SOX6: variants seen among roughly 807,000 people sequenced by gnomAD.
The protein encoded by SOX6 is transcription factor SOX-6.
SOX6 carries 11 observed loss-of-function variants against 97.8 expected under a neutral mutation model. The observed-to-expected ratio is 0.11, with a 90% CI of 0.07 to 0.19. The LOEUF is 0.19. Among genes scored for constraint, SOX6 ranks in the 10% least tolerant of loss-of-function variants. The probability of loss-of-function intolerance (pLI) is 1.00; values close to 1 mark genes in which losing one functional copy is unlikely to be tolerated. For missense variants in SOX6, 810 were observed against 1,039.5 expected, an observed-to-expected ratio of 0.78 and a Z score of 3.04; for synonymous variants, 360 against 371.4, an observed-to-expected ratio of 0.97 and a Z score of 0.35.
rs562697688 is a variant in SOX6 at position 16,500,021 on chromosome 11, A to C, written n.610-23633T>G. On this transcript the variant is annotated intron_variant and non_coding_transcript_variant, in intron 4 of 5. Coordinates refer to the SOX6 transcript ENST00000524520. ...AGACACAACAAAAAAAGAGAATTTT[A>C]GACCAATATCCCTGATGAACATCAA... 7.2e-5 allele frequency among the ~76,000 whole-genome samples: 11 copies of C among 152,376 alleles called. No individual in the cohort carries two copies. The South Asian group carries it at 1.9e-3, about 26-fold the overall frequency.
intron 1 of SOX6, among the ~76,000 whole-genome samples, chr11:16,387,330 A>G (rs1016856580): frequency 2.6e-5 from 4 of 152,270 alleles, no homozygotes; most frequent in African/African-American, 7.2e-5. Flanking sequence ...TGAAACCACT[A>G]TTCAAAATAA....
intron 4 of SOX6, among the ~76,000 whole-genome samples, chr11:16,587,127 T>A (rs144752581): frequency 6.6e-6 from 1 of 152,332 alleles, no homozygotes; most frequent in Non-Finnish European, 1.5e-5. Context: ...AAGCTCCTTA[T>A]TATCTGGTCT....
At chr11:16,456,011 T>C (rs1859804580) in intron 1 of SOX6, among the ~76,000 whole-genome samples, 1 of 152,090 alleles carries the variant, frequency 6.6e-6, no homozygotes, top group African/African-American at 2.4e-5. Flanking sequence ...AAATCAGCCA[T>C]AATGTGATAT....
intron 3 of SOX6, among the ~76,000 whole-genome samples, chr11:16,628,821 T>C (rs2133994175): frequency 1.3e-5 from 2 of 152,272 alleles, no homozygotes; most frequent in Non-Finnish European, 2.9e-5. Context: ...TTTCTCCTTG[T>C]AGAGCTCCTT....
intron 3 of SOX6, among the ~76,000 whole-genome samples, chr11:16,675,252 T>C (rs994914907): frequency 6.6e-6 from 1 of 152,226 alleles, no homozygotes; most frequent in Non-Finnish European, 1.5e-5. Context: ...TTGGTTCAAA[T>C]GATCCTCCTG....
chr11:16,554,055 A>G (rs1162305493), intron 4 of SOX6, among the ~76,000 whole-genome samples: 1 of 152,092 alleles, frequency 6.6e-6, no homozygotes, highest in East Asian at 1.9e-4. Flanking sequence ...GGTCATAGGG[A>G]CCTATAGTTT....
chr11:16,144,770 G>A (rs1473996847), intron 6 of SOX6, among the ~76,000 whole-genome samples: 3 of 152,068 alleles, frequency 2.0e-5, no homozygotes, highest in South Asian at 2.1e-4. Flanking sequence ...TAAATTCCTC[G>A]ACACATACAC....
At chr11:16,310,733 A>G (rs1318895614) in intron 3 of SOX6, among the ~76,000 whole-genome samples, 1 of 152,110 alleles carries the variant, frequency 6.6e-6, no homozygotes, top group Non-Finnish European at 1.5e-5. Flanking sequence ...AGTGTTTCTT[A>G]TGCAAAAACC....
intron 3 of SOX6, chr11:16,283,969 C>A (rs1854657294): frequency 2.7e-6 from 1 of 377,282 alleles, no homozygotes; most frequent in Non-Finnish European, 5.1e-6. Flanking sequence ...TGCACAGTTT[C>A]TAATATCAAT....
chr11:16,604,508 G>C (rs1474038309), intron 4 of SOX6, among the ~76,000 whole-genome samples: 1 of 152,196 alleles, frequency 6.6e-6, no homozygotes, highest in Non-Finnish European at 1.5e-5. Context: ...GCCAAAGCCC[G>C]GCCGCAGGAG....
intron 3 of SOX6, among the ~76,000 whole-genome samples, chr11:16,639,122 T>C (rs1469866194): frequency 6.6e-6 from 1 of 152,240 alleles, no homozygotes; most frequent in Non-Finnish European, 1.5e-5. Flanking sequence ...CAGTTTCAGC[T>C]TTCTACATAT....
At chr11:16,000,640 C>G (rs1401502581) in intron 13 of SOX6, among the ~76,000 whole-genome samples, 1 of 152,028 alleles carries the variant, frequency 6.6e-6, no homozygotes, top group Non-Finnish European at 1.5e-5. Flanking sequence ...AAAACAAATC[C>G]CTATTTACTT....
intron 1 of SOX6, among the ~76,000 whole-genome samples, chr11:16,442,219 C>T (rs2133086746): frequency 6.6e-6 from 1 of 152,324 alleles, no homozygotes; most frequent in Admixed American, 6.5e-5. Context: ...TAAAGCACAT[C>T]ATGCTCTCTA....
intron 6 of SOX6, among the ~76,000 whole-genome samples, chr11:16,166,656 G>A (rs1219449591): frequency 6.6e-6 from 1 of 152,270 alleles, no homozygotes; most frequent in East Asian, 1.9e-4. Flanking sequence ...AGGCCCAAGG[G>A]ACTGTGGAAG....
In SOX6 at chr11:16,578,984, A is replaced by G. The variant is rs567085121; in HGVS notation, n.609+33097T>C. On this transcript the variant is annotated intron_variant and non_coding_transcript_variant, in intron 4 of 5. Transcript: ENST00000524520. ...GGAATTTTCAGCTCTCCTCTGAAAC[A>G]AAATATGGAAATATTCTAATTTAAC... Among the ~76,000 whole-genome samples, 106 of 152,248 alleles carry G rather than the reference A, an allele frequency of 7.0e-4. 1 individual carries two copies. Among genetic ancestry groups the G allele is most frequent in the Non-Finnish European group, 1.0e-3 (70 of 67,970 alleles).
chr11:16,533,301 G>A (rs188237414), intron 4 of SOX6, among the ~76,000 whole-genome samples: 18 of 151,928 alleles, frequency 1.2e-4, no homozygotes, highest in Admixed American at 1.2e-3. Flanking sequence ...AGTCTATGAA[G>A]CTGGGTAAGA....
At chr11:15,991,045 T>A (rs1854034319) in intron 13 of SOX6, among the ~76,000 whole-genome samples, 1 of 152,140 alleles carries the variant, frequency 6.6e-6, no homozygotes, top group Non-Finnish European at 1.5e-5. Context: ...TTGGCTAACA[T>A]GAATTTTTTT....
chr11:15,996,934 C>T lies in SOX6; in HGVS notation c.1733-7704G>A, dbSNP rs562386022. Among the ~76,000 whole-genome samples the T allele has an allele frequency of 1.3e-3, 204 of 152,070 alleles. 4 individuals carry two copies. The highest frequency in any genetic ancestry group is 4.8e-3 in the African/African-American group (199 of 41,512). ...AAACAGATATAATAAAGACAACTTA[C>T]AAAGCCAAGGTTAGAAATTTGAAAA... On this transcript the variant is annotated intron_variant, in intron 13 of 15. Transcript: ENST00000683767.
chr11:16,272,669 A>C (rs1220867401), intron 3 of SOX6, among the ~76,000 whole-genome samples: 1 of 151,836 alleles, frequency 6.6e-6, no homozygotes, highest in Non-Finnish European at 1.5e-5. Flanking sequence ...ATAGTTCTAG[A>C]AAACATTGTC....
Sources: allele counts gnomAD v4.1 joint callset (sites outside exome capture counted in the v4.1 genomes callset), GRCh38; gene constraint gnomAD v4.1.1; transcripts MANE v1.5; gene names NCBI Gene and HGNC (gene_info 2026-07-23, HGNC 2026-07-21).